The following VPS52 variants were observed in gnomAD, a reference collection of about 807,000 sequenced individuals.
The protein encoded by VPS52 is vacuolar protein sorting-associated protein 52 homolog.
A neutral mutation model predicts 98.7 loss-of-function variants in VPS52; 56 were observed. The ratio of observed to expected loss-of-function variants is 0.57; its 90% CI spans 0.46 to 0.71. VPS52 has a LOEUF of 0.71. Ranked by LOEUF, VPS52 falls within the 30% of genes least tolerant of loss-of-function variation. The pLI, the probability that VPS52 is intolerant of heterozygous loss-of-function variation, is 0.00. For synonymous variants in VPS52, 348 were observed against 346.4 expected, an observed-to-expected ratio of 1.00 and a Z score of -0.05; for missense variants, 742 against 925.9, an observed-to-expected ratio of 0.80 and a Z score of 2.58.
chr6:33,271,470 A>G lies in VPS52; in HGVS notation c.90+116T>C, dbSNP rs1386597599. On this transcript the variant is annotated intron_variant, in intron 1 of 19. Transcript: ENST00000445902. The stretch of plus-strand genomic sequence containing the variant: ...CACAGGGAAGGGTACGGGGAGCCAA[A>G]CAGGTAATATCACGGGTAGCAGCCA... 5.5e-6 allele frequency: 8 copies of G among 1,442,182 alleles called. No homozygotes were observed. The East Asian group carries it at 7.4e-5, about 13-fold the overall frequency. The allele number at this position is 1,442,182 out of a possible 1,614,324, so 89.3% of individuals were successfully genotyped here.
At chr6:33,261,152 C>T (rs1406083427) in intron 17 of VPS52, among the ~76,000 whole-genome samples, 1 of 151,928 alleles carries the variant, frequency 6.6e-6, no homozygotes, top group Non-Finnish European at 1.5e-5. Context: ...GGTAAAAGTG[C>T]CAAGAACATA....
intron 3 of VPS52, 45 bp from the exon 4 acceptor site, chr6:33,269,864 A>G (rs1232906917): frequency 6.3e-7 from 1 of 1,599,746 alleles, no homozygotes; most frequent in Non-Finnish European, 8.6e-7. Flanking sequence ...GTCTCAGTAA[A>G]GGGACACTGT....
In VPS52 at chr6:33,268,956, G is replaced by A; in HGVS notation, c.548+58C>T. On this transcript the variant is annotated intron_variant, in intron 6 of 19. Coordinates refer to ENST00000445902, the MANE Select transcript of VPS52 (RefSeq NM_022553.6). The surrounding 1 kb of genome is among the most constrained non-coding windows in gnomAD (Gnocchi z 4.0). Reference sequence around the variant, plus strand: ...GAGACCCATATGGTAAATAGGGTGGGTCACCCCAGCCCATCCACCTGCTAT... The same window carrying A: ...GAGACCCATATGGTAAATAGGGTGGATCACCCCAGCCCATCCACCTGCTAT... 7 of 1,585,022 alleles carry A rather than the reference G, an allele frequency of 4.4e-6. No individual in the cohort carries two copies. Among genetic ancestry groups the A allele is most frequent in the East Asian group, 2.2e-5 (1 of 44,592 alleles).
chr6:33,265,243 A>G (rs1032203107), intron 12 of VPS52, among the ~76,000 whole-genome samples: 1 of 151,970 alleles, frequency 6.6e-6, no homozygotes, highest in African/African-American at 2.4e-5. Context: ...CGCCCGACTA[A>G]TTTTTGTATT....
At chr6:33,251,361 C>T (rs940307842) in intron 19 of VPS52, among the ~76,000 whole-genome samples, 157 bp downstream of exon 19, 2 of 148,068 alleles carry the variant, frequency 1.4e-5, no homozygotes, top group African/African-American at 5.0e-5. Flanking sequence ...ACAAAACAAA[C>T]AAAAAAAAAA....
Position 33,267,388 on chromosome 6 carries a change from G to A in VPS52, c.992-67C>T. 4.0e-6 allele frequency: 6 copies of A among 1,518,734 alleles called. No homozygotes were observed. The South Asian group carries it at 6.7e-5, about 17-fold the overall frequency. The allele number at this position is 1,518,734 out of a possible 1,614,324, so 94.1% of individuals were successfully genotyped here. On this transcript the variant is annotated intron_variant, in intron 10 of 19. Transcript: ENST00000445902. The surrounding 1 kb of genome is among the most constrained non-coding windows in gnomAD (Gnocchi z 4.2). Reference sequence around the variant, plus strand: ...TGGGCCCAAAGACTCACTATCTGTGGGGACCCCAGACAGGCAGACGTGGCC... The same window carrying A: ...TGGGCCCAAAGACTCACTATCTGTGAGGACCCCAGACAGGCAGACGTGGCC...
Position 33,250,706 on chromosome 6 carries a change from A to G in VPS52, c.*135T>C. 1 of 1,184,862 alleles carries G rather than the reference A, an allele frequency of 8.4e-7. No homozygotes were observed. The highest frequency in any genetic ancestry group is 1.2e-6 in the Non-Finnish European group (1 of 843,612). 73.4% of individuals were successfully genotyped at this position (1,184,862 alleles called of 1,614,324 possible). Reference sequence around the variant, plus strand: ...CTGTTGGGCAAGGTGCTGGGAGTGAAGGCAGGTAAGCCATGTCAAGGGCCT... The same window carrying G: ...CTGTTGGGCAAGGTGCTGGGAGTGAGGGCAGGTAAGCCATGTCAAGGGCCT... On this transcript the variant is annotated 3_prime_UTR_variant, in exon 20 of 20. Transcript: ENST00000445902.
chr6:33,267,549 G>C lies in VPS52; in HGVS notation c.991+133C>G. On this transcript the variant is annotated intron_variant, in intron 10 of 19. Coordinates refer to ENST00000445902, the MANE Select transcript of VPS52 (RefSeq NM_022553.6). This position sits in a 1 kb window ranked among gnomAD's most constrained non-coding sequence, Gnocchi z 4.2. ...ATGTGTGCATCTTTCTGGGGAGGGA[G>C]GCTATAGCTTTCATCACATTCTAAA... is the stretch of plus-strand genomic sequence containing the variant. 1 of 1,235,964 alleles carries C rather than the reference G, an allele frequency of 8.1e-7. No homozygotes were observed. The allele number at this position is 1,235,964 out of a possible 1,614,324, so 76.6% of individuals were successfully genotyped here.
At chr6:33,264,571 T>C in intron 13 of VPS52, 74 bp from the exon 14 acceptor site, 1 of 1,597,686 alleles carries the variant, frequency 6.3e-7, no homozygotes. Flanking sequence ...TGGGGCATCA[T>C]TCAGTTTAAT....
intron 17 of VPS52, among the ~76,000 whole-genome samples, chr6:33,261,466 GAA>G (rs879444667): frequency 3.0e-5 from 4 of 133,416 alleles, no homozygotes; most frequent in Non-Finnish European, 4.9e-5. Flanking sequence ...GACTCCGTCT[GAA>G]AAAAAAAAAA....
At chr6:33,264,173 A>G (rs1382115548) in intron 14 of VPS52, 70 bp from the exon 15 acceptor site, 2 of 1,582,110 alleles carry the variant, frequency 1.3e-6, no homozygotes, top group Non-Finnish European at 1.7e-6. Flanking sequence ...CAACTTCCTT[A>G]GCCAACCCAC....
In VPS52 at chr6:33,271,649, AGCC is replaced by A. The variant is rs1765109838; in HGVS notation, c.24_26del (p.Ala11del). 1.2e-6 allele frequency: 2 copies of A among 1,610,236 alleles called. No homozygotes were observed. Among genetic ancestry groups the A allele is most frequent in the African/African-American group, 1.3e-5 (1 of 74,824 alleles). On this transcript the variant is annotated inframe_deletion, in exon 1 of 20. Coordinates refer to ENST00000445902, the MANE Select transcript of VPS52 (RefSeq NM_022553.6). Reference sequence around the variant, plus strand: ...CCCGCAACACCAGTTCCCGGGCCGCAGCCGCCATGGTCGCAGCGGCGGCCATTC... The same window carrying A: ...CCCGCAACACCAGTTCCCGGGCCGCAGCCATGGTCGCAGCGGCGGCCATTC...
Position 33,264,776 on chromosome 6 carries a change from A to G in VPS52, c.1400+6T>C. ...TGTTGGGCATCAAGGACCAGAATTC[A>G]GTGACCTGTCCAGGGCAGGAACATC... On this transcript the variant is annotated splice_donor_region_variant and intron_variant, in intron 13 of 19. Transcript: ENST00000445902. The G allele has an allele frequency of 1.2e-6, 2 of 1,612,314 alleles. No homozygotes were observed. Among genetic ancestry groups the G allele is most frequent in the Non-Finnish European group, 1.7e-6 (2 of 1,179,190 alleles).
intron 18 of VPS52, 58 bp from the exon 19 acceptor site, chr6:33,251,694 A>T (rs1295660982): frequency 6.8e-7 from 1 of 1,479,154 alleles, no homozygotes; most frequent in Non-Finnish European, 9.4e-7. Context: ...AACTCCACTA[A>T]GTTCTCCCCA....
Position 33,267,140 on chromosome 6 carries a change from A to G in VPS52, c.1125+48T>C, listed in dbSNP as rs1247997071. On this transcript the variant is annotated intron_variant, in intron 11 of 19. Coordinates refer to ENST00000445902, the MANE Select transcript of VPS52 (RefSeq NM_022553.6). This position sits in a 1 kb window ranked among gnomAD's most constrained non-coding sequence, Gnocchi z 4.2. ...CCCTGAGGTCTGGCCTTCCCTCCCCACCGTGCTCAGAGCCTCTTTCGTGAC... is the reference window on the plus strand; with the variant it reads ...CCCTGAGGTCTGGCCTTCCCTCCCCGCCGTGCTCAGAGCCTCTTTCGTGAC... The G allele has an allele frequency of 6.9e-7, 1 of 1,454,628 alleles. No homozygotes were observed. The highest frequency in any genetic ancestry group is 1.4e-5 in the African/African-American group (1 of 69,940). The allele number at this position is 1,454,628 out of a possible 1,614,324, so 90.1% of individuals were successfully genotyped here.
Position 33,268,380 on chromosome 6 carries a change from A to G in VPS52, c.699+119T>C. 7.1e-7 allele frequency: 1 copy of G among 1,408,584 alleles called. No homozygotes were observed. Among genetic ancestry groups the G allele is most frequent in the South Asian group, 1.3e-5 (1 of 75,272 alleles). 87.3% of individuals were successfully genotyped at this position (1,408,584 alleles called of 1,614,324 possible). On this transcript the variant is annotated intron_variant, in intron 7 of 19. Coordinates refer to ENST00000445902, the MANE Select transcript of VPS52 (RefSeq NM_022553.6). This position sits in a 1 kb window ranked among gnomAD's most constrained non-coding sequence, Gnocchi z 4.0. ...AGAGACAAGAATGGGGCTGCCCAGA[A>G]AAGGCAGGGTGAAGTCCCTGGAGAC...
chr6:33,266,139 CG>C (rs1159557746), intron 12 of VPS52, among the ~76,000 whole-genome samples: 2 of 149,282 alleles, frequency 1.3e-5, no homozygotes, highest in Non-Finnish European at 3.0e-5. Context: ...GGATTACAGG[CG>C]TAAGCCACTG....
At chr6:33,252,040 G>A in intron 17 of VPS52, 69 bp from the exon 18 acceptor site, 1 of 1,252,020 alleles carries the variant, frequency 8.0e-7, no homozygotes, top group Non-Finnish European at 1.2e-6. Flanking sequence ...CTGGCATCAT[G>A]ACTAATGTAG....
At chr6:33,270,620 C>G (rs890877774) in intron 1 of VPS52, among the ~76,000 whole-genome samples, 8 of 152,058 alleles carry the variant, frequency 5.3e-5, no homozygotes, top group African/African-American at 1.7e-4. Context: ...CACAGGGAAA[C>G]CCGTCTAAAG....
Sources: gnomAD v4.1 joint callset for allele counts (sites outside exome capture counted in the v4.1 genomes callset) on GRCh38, gnomAD v4.1.1 for gene constraint, Gnocchi (gnomAD v3.1) non-coding constraint, MANE v1.5 for transcripts, NCBI Gene and HGNC (gene_info 2026-07-23, HGNC 2026-07-21) for gene names.